TTC27: variants seen among roughly 807,000 people sequenced by gnomAD.
TTC27 encodes the protein tetratricopeptide repeat domain 27, also known as tetratricopeptide repeat protein 27.
In TTC27, 79 loss-of-function variants were observed where a neutral mutation model predicts 115.9. The observed-to-expected ratio is 0.68, with a 90% confidence interval of 0.57 to 0.82. The LOEUF (loss-of-function observed/expected upper bound fraction) is 0.82. TTC27 is among the 40% of genes least tolerant of loss of function. The probability of loss-of-function intolerance (pLI) is 0.00; values close to 1 mark genes in which losing one functional copy is unlikely to be tolerated. For synonymous variants in TTC27, 401 were observed against 356.0 expected, an observed-to-expected ratio of 1.13 and a Z score of -1.42; for missense variants, 1,054 against 993.1, an observed-to-expected ratio of 1.06 and a Z score of -0.82.
chr2:32,776,964 ATAT>A (rs951307253), intron 13 of TTC27, among the ~76,000 whole-genome samples: 1 of 151,756 alleles, frequency 6.6e-6, no homozygotes, highest in East Asian at 1.9e-4. Context: ...TTTTAAGGAA[ATAT>A]TATGATGTAC....
intron 12 of TTC27, among the ~76,000 whole-genome samples, chr2:32,749,270 GC>G (rs1384449119): frequency 1.3e-5 from 2 of 152,176 alleles, no homozygotes; most frequent in Non-Finnish European, 2.9e-5. Context: ...TTGCAAGTGA[GC>G]TTTTCCAGGG....
rs148270867 is a variant in TTC27 at position 32,750,388 on chromosome 2, A to G, written c.1453-7904A>G. The stretch of plus-strand genomic sequence containing the variant: ...GTTTGTTACCATATTAGACCATGAC[A>G]ACTTTCCAAGAGTAAAGGCTGTTGC... On this transcript the variant is annotated intron_variant, in intron 12 of 19. Coordinates refer to ENST00000317907, the MANE Select transcript of TTC27 (RefSeq NM_017735.5). Among the ~76,000 whole-genome samples, 811 of 152,304 alleles carry G rather than the reference A, an allele frequency of 5.3e-3. 6 individuals are homozygous for G. Among genetic ancestry groups the G allele is most frequent in the Non-Finnish European group, 9.2e-3 (627 of 68,020 alleles).
rs563160621 is a variant in TTC27, at chr2:32,811,333, A to G, written c.2196+112A>G. ...TAACAATCTGAAAGATAAGATTAGT[A>G]TGCTTAAGTTCAGTTCTGATTCAGT... On this transcript the variant is annotated intron_variant, in intron 17 of 19. Transcript: ENST00000317907. 3.5e-5 allele frequency: 36 copies of G among 1,030,810 alleles called. No individual in the cohort carries two copies. In the African/African-American group the frequency reaches 5.8e-4, roughly 17 times the overall value. 63.9% of individuals were successfully genotyped at this position (1,030,810 alleles called of 1,614,324 possible). A position where few individuals can be genotyped will look rare whatever the true frequency, so the allele number is the denominator to read the frequency against.
At chr2:32,782,221 C>A (rs1349446477) in intron 14 of TTC27, among the ~76,000 whole-genome samples, 3 of 151,936 alleles carry the variant, frequency 2.0e-5, no homozygotes, top group African/African-American at 4.8e-5. Context: ...CAGATTTTTT[C>A]TTAACCCCCC....
intron 5 of TTC27, among the ~76,000 whole-genome samples, chr2:32,660,324 A>G (rs35631152): frequency 0.35 from 53,737 of 152,082 alleles, 10,715 homozygotes; most frequent in Non-Finnish European, 0.46. Flanking sequence ...TTGTTGAGAA[A>G]TGTCTGCTCA....
At chr2:32,820,687 G>T in intron 19 of TTC27, 129 bp from the exon 20 acceptor site, 1 of 799,276 alleles carries the variant, frequency 1.3e-6, no homozygotes, top group Non-Finnish European at 1.7e-6. Flanking sequence ...AGAAAAAAAT[G>T]CTACCATTGC....
At chr2:32,664,855 C>G (rs1420683571) in intron 6 of TTC27, among the ~76,000 whole-genome samples, 1 of 148,352 alleles carries the variant, frequency 6.7e-6, no homozygotes, top group East Asian at 2.0e-4. Context: ...TTTTTTGAGA[C>G]CGAGTCTCGC....
chr2:32,761,676 G>T (rs186037526), intron 13 of TTC27, among the ~76,000 whole-genome samples: 7 of 152,086 alleles, frequency 4.6e-5, no homozygotes, highest in Non-Finnish European at 8.8e-5. Context: ...AAGTCTGCTC[G>T]AAGGTCACTT....
In TTC27 at chr2:32,817,543, T is replaced by C; in HGVS notation, c.2395T>C (p.Leu799=). ...SSVRLNLRGL[L]SKAKQLFTDV... ...TGTTCGACTCAATTTACGGGGCTTG[T>C]TATCTAAAGCAAAGGTGAGAGTGAC... The change falls in exon 19 of 20, where the codon TTA becomes CTA. Residue 799 remains leucine (L), a synonymous_variant. Transcript: ENST00000317907. The C allele has an allele frequency of 6.2e-7, 1 of 1,613,816 alleles. No homozygotes were observed. Among genetic ancestry groups the C allele is most frequent in the South Asian group, 1.1e-5 (1 of 91,074 alleles).
chr2:32,715,221 C>A (rs1276537165), intron 10 of TTC27, among the ~76,000 whole-genome samples: 2 of 152,148 alleles, frequency 1.3e-5, no homozygotes, highest in Non-Finnish European at 1.5e-5. Flanking sequence ...ACATTTAAGT[C>A]TTTAATCCAT....
intron 10 of TTC27, among the ~76,000 whole-genome samples, chr2:32,718,389 ATTT>A (rs909595206): frequency 6.6e-6 from 1 of 152,202 alleles, no homozygotes; most frequent in African/African-American, 2.4e-5. Flanking sequence ...CATTCATAAA[ATTT>A]TTTATTTTGA....
At chr2:32,817,606 A>G (rs775895464) in intron 19 of TTC27, 49 bp downstream of exon 19, 12 of 1,489,988 alleles carry the variant, frequency 8.1e-6, no homozygotes, top group East Asian at 6.8e-5. Flanking sequence ...GAAAAAGGTC[A>G]TTAGTATCAG....
At chr2:32,631,245 G>C (rs1664193493) in intron 2 of TTC27, among the ~76,000 whole-genome samples, 1 of 152,120 alleles carries the variant, frequency 6.6e-6, no homozygotes, top group Admixed American at 6.5e-5. Flanking sequence ...GGAGGTTGTA[G>C]TGAGCCAATA....
In TTC27 at chr2:32,765,817, T is replaced by G. The variant is rs370488399; in HGVS notation, c.1680+7298T>G. Among the ~76,000 whole-genome samples the G allele has an allele frequency of 9.2e-5, 14 of 152,198 alleles. No individual in the cohort carries two copies. In the East Asian group the frequency reaches 1.2e-3, roughly 13 times the overall value. On this transcript the variant is annotated intron_variant, in intron 13 of 19. Transcript: ENST00000317907. ...GGATGGCTTCTTTCCTTAAACCTCA[T>G]GAACCATCTCTACTAGATTCAAACT...
chr2:32,750,159 C>G (rs114799278), intron 12 of TTC27, among the ~76,000 whole-genome samples: 1 of 152,314 alleles, frequency 6.6e-6, no homozygotes, highest in African/African-American at 2.4e-5. Flanking sequence ...TACTTTCAGA[C>G]ATTGAAATGG....
intron 4 of TTC27, among the ~76,000 whole-genome samples, chr2:32,646,394 C>T (rs775818352): frequency 1.4e-4 from 21 of 151,868 alleles, no homozygotes; most frequent in Admixed American, 2.6e-4. Flanking sequence ...GTCTGAAACT[C>T]GTGGCTTCAA....
At chr2:32,735,568 T>C (rs779779248) in intron 11 of TTC27, among the ~76,000 whole-genome samples, 2 of 152,212 alleles carry the variant, frequency 1.3e-5, no homozygotes, top group Non-Finnish European at 2.9e-5. Context: ...TTAATTACTT[T>C]TTCTTGCATC....
At position 32,682,360 on chromosome 2, in the gene TTC27, A is replaced by G. The variant is rs148636628; in HGVS notation, c.1119+3438A>G. ...ACACAGAAGACTTTACTTGAGGATC[A>G]TATTGCAGAACATCTATGAAAGTAC... On this transcript the variant is annotated intron_variant, in intron 9 of 19. Coordinates refer to ENST00000317907, the MANE Select transcript of TTC27 (RefSeq NM_017735.5). 5.4e-3 allele frequency among the ~76,000 whole-genome samples: 827 copies of G among 152,298 alleles called. 8 individuals are homozygous for G. Among genetic ancestry groups the G allele is most frequent in the Non-Finnish European group, 9.4e-3 (637 of 68,026 alleles).
At chr2:32,661,657 G>A (rs539440019) in intron 5 of TTC27, among the ~76,000 whole-genome samples, 1 of 152,314 alleles carries the variant, frequency 6.6e-6, no homozygotes, top group African/African-American at 2.4e-5. Context: ...TCAGCTTAAG[G>A]AGATTTTGGG....
Sources: allele counts gnomAD v4.1 joint callset (sites outside exome capture counted in the v4.1 genomes callset), GRCh38; gene constraint gnomAD v4.1.1; transcripts MANE v1.5; gene names NCBI Gene and HGNC (gene_info 2026-07-23, HGNC 2026-07-21).